Variants in NRF1 observed in about 807,000 individuals in gnomAD.
NRF1 encodes the protein nuclear respiratory factor 1, also known as alpha palindromic-binding protein.
Under a neutral mutation model 58.5 loss-of-function variants are expected in NRF1, and 5 were observed. The observed-to-expected ratio is 0.09, with a 90% CI of 0.04 to 0.18. The LOEUF (loss-of-function observed/expected upper bound fraction) is 0.18, where lower values mean the gene tolerates loss of function less well. Among genes scored for constraint, NRF1 ranks in the 10% least tolerant of loss-of-function variants. The pLI, the probability that NRF1 is intolerant of heterozygous loss-of-function variation, is 1.00. For synonymous variants in NRF1, 224 were observed against 246.7 expected (o/e 0.91, Z 0.86); for missense variants, 288 against 657.7 (o/e 0.44, Z 6.15).
intron 9 of NRF1, among the ~76,000 whole-genome samples, chr7:129,721,193 C>A (rs1247477416): frequency 1.3e-5 from 2 of 152,052 alleles, no homozygotes; most frequent in African/African-American, 2.4e-5. Context: ...CTTCTACAAA[C>A]CCATTTCCTG....
At chr7:129,650,824 T>C (rs1801517424) in intron 1 of NRF1, among the ~76,000 whole-genome samples, 1 of 152,218 alleles carries the variant, frequency 6.6e-6, no homozygotes, top group Non-Finnish European at 1.5e-5. Flanking sequence ...TGTGCTGTTT[T>C]ATAAAATAGA....
At chr7:129,735,300 C>G (rs1301598234) in intron 10 of NRF1, 1 of 897,500 alleles carries the variant, frequency 1.1e-6, no homozygotes, top group East Asian at 1.2e-4. Flanking sequence ...GGGATGCCGA[C>G]GCGGGCGGAT....
chr7:129,723,809 C>T (rs1022953497), intron 9 of NRF1, among the ~76,000 whole-genome samples: 1 of 152,172 alleles, frequency 6.6e-6, no homozygotes, highest in Non-Finnish European at 1.5e-5. Flanking sequence ...GTTTTGATTA[C>T]TACAGCTTTG....
At chr7:129,633,122 T>G (rs953110885) in intron 1 of NRF1, among the ~76,000 whole-genome samples, 1 of 152,220 alleles carries the variant, frequency 6.6e-6, no homozygotes, top group Admixed American at 6.5e-5. Flanking sequence ...CAGATATTGA[T>G]AGTCTATTTC....
intron 10 of NRF1, among the ~76,000 whole-genome samples, chr7:129,745,506 A>ACCCCCCCCCCCCCC (rs35406699): frequency 1.7e-4 from 19 of 112,582 alleles, no homozygotes; most frequent in South Asian, 9.2e-4. Flanking sequence ...ATCCCCCTCA[A>ACCCCCCCCCCCCCC]CCCCCCCCCC....
chr7:129,613,638 C>T (rs1252033024), intron 1 of NRF1, among the ~76,000 whole-genome samples: 1 of 152,042 alleles, frequency 6.6e-6, no homozygotes, highest in Non-Finnish European at 1.5e-5. Context: ...TGGCTCACAC[C>T]TGTAATCCCA....
intron 10 of NRF1, among the ~76,000 whole-genome samples, chr7:129,743,814 C>G (rs998587118): frequency 2.0e-5 from 3 of 152,168 alleles, no homozygotes; most frequent in African/African-American, 7.2e-5. Context: ...GCCCCCCGAC[C>G]CAGCTGCTGG....
intron 5 of NRF1, among the ~76,000 whole-genome samples, chr7:129,697,951 C>T (rs1802737754): frequency 1.3e-5 from 2 of 152,026 alleles, no homozygotes; most frequent in Admixed American, 1.3e-4. Flanking sequence ...AGGCTGGTCT[C>T]GAACTGCTGA....
At chr7:129,722,356 A>C (rs1479498492) in intron 9 of NRF1, among the ~76,000 whole-genome samples, 2 of 150,242 alleles carry the variant, frequency 1.3e-5, no homozygotes, top group Non-Finnish European at 1.5e-5. Context: ...ACACCAGTGC[A>C]CTCCAGCCTG....
chr7:129,756,139 G>T lies in NRF1; in HGVS notation c.*958G>T. 6.5e-6 allele frequency: 1 copy of T among 153,040 alleles called. No individual in the cohort carries two copies. 9.5% of individuals were successfully genotyped at this position (153,040 alleles called of 1,614,324 possible). On this transcript the variant is annotated 3_prime_UTR_variant, in exon 11 of 11. Transcript: ENST00000393232. Reference sequence around the variant, plus strand: ...TGGGGGAGAGGATGGGAAGGGGGCGGGGGCAGTGGAAGGGAAAGGAAGGAA... The same window carrying T: ...TGGGGGAGAGGATGGGAAGGGGGCGTGGGCAGTGGAAGGGAAAGGAAGGAA...
chr7:129,687,611 A>G (rs1190016676), intron 4 of NRF1, among the ~76,000 whole-genome samples: 5 of 152,178 alleles, frequency 3.3e-5, no homozygotes, highest in Non-Finnish European at 7.3e-5. Flanking sequence ...GTCATTGGGA[A>G]GGTAGTAGAC....
At chr7:129,729,593 A>G (rs1267571744) in intron 10 of NRF1, among the ~76,000 whole-genome samples, 2 of 152,234 alleles carry the variant, frequency 1.3e-5, no homozygotes, top group Non-Finnish European at 2.9e-5. Context: ...GCAAAGGCCA[A>G]TCATTTCATC....
intron 5 of NRF1, among the ~76,000 whole-genome samples, chr7:129,700,790 T>C (rs1348073617): frequency 6.6e-6 from 1 of 152,022 alleles, no homozygotes; most frequent in South Asian, 2.1e-4. Flanking sequence ...TGGTGGTGCA[T>C]CCATAGTCCC....
chr7:129,666,656 T>C (rs183149918), intron 2 of NRF1, among the ~76,000 whole-genome samples: 1 of 152,234 alleles, frequency 6.6e-6, no homozygotes, highest in East Asian at 1.9e-4. Flanking sequence ...CTCAGCCTCC[T>C]GAGTAGCTGG....
Position 129,678,473 on chromosome 7 carries a change from T to C in NRF1, c.465+715T>C, listed in dbSNP as rs140491547. Among the ~76,000 whole-genome samples, 544 of 152,320 alleles carry C rather than the reference T, an allele frequency of 3.6e-3. 3 individuals are homozygous for C. The highest frequency in any genetic ancestry group is 0.012 in the African/African-American group (509 of 41,570). ...TATAGGCATTTTTTGAGTTCAGAAT[T>C]AGTAATCAATTGATCGAAATTCTGT... On this transcript the variant is annotated intron_variant, in intron 4 of 10. Transcript: ENST00000393232.
At chr7:129,641,007 C>T (rs745632510) in intron 1 of NRF1, among the ~76,000 whole-genome samples, 1 of 152,154 alleles carries the variant, frequency 6.6e-6, no homozygotes, top group Non-Finnish European at 1.5e-5. Flanking sequence ...ATCACAGAGC[C>T]GTGGAGACCT....
intron 4 of NRF1, 57 bp downstream of exon 4, chr7:129,677,815 T>G: frequency 1.9e-6 from 3 of 1,602,588 alleles, no homozygotes; most frequent in Non-Finnish European, 2.6e-6. Context: ...GCTGCTTCCA[T>G]TCTTCTGATC....
At chr7:129,720,259 C>T (rs1170630385) in intron 9 of NRF1, among the ~76,000 whole-genome samples, 2 of 152,170 alleles carry the variant, frequency 1.3e-5, no homozygotes, top group Non-Finnish European at 2.9e-5. Context: ...CTATAGCAGA[C>T]TATTAGGGGA....
rs916081430 is a variant in NRF1, at chr7:129,661,248, G to C, written c.223+3674G>C. ...GGCCTATGATGGGAGGGGCTACTGT[G>C]AAGACCTCTGACATGCCCTGGAGAC... On this transcript the variant is annotated intron_variant, in intron 2 of 10. Transcript: ENST00000393232. Among the ~76,000 whole-genome samples the C allele has an allele frequency of 1.2e-4, 18 of 151,280 alleles. 1 individual carries two copies. The highest frequency in any genetic ancestry group is 4.4e-4 in the African/African-American group (18 of 40,548).
Sources: gnomAD v4.1 joint callset for allele counts (sites outside exome capture counted in the v4.1 genomes callset) on GRCh38, gnomAD v4.1.1 for gene constraint, MANE v1.5 for transcripts, NCBI Gene and HGNC (gene_info 2026-07-23, HGNC 2026-07-21) for gene names.